The following SLC25A48 variants were observed in gnomAD, a reference collection of about 807,000 sequenced individuals.
The protein encoded by SLC25A48 is solute carrier family 25 member 48, also known as CTC-321K16.1.
A neutral mutation model predicts 32.2 loss-of-function variants in SLC25A48; 29 were observed. That is an observed-to-expected ratio of 0.90 (90% confidence interval 0.67 to 1.23). SLC25A48 has a LOEUF of 1.23. SLC25A48 is among the 50% of genes most tolerant of loss of function. The probability of loss-of-function intolerance (pLI) is 0.00; values close to 1 mark genes in which losing one functional copy is unlikely to be tolerated. For missense variants in SLC25A48, 399 were observed against 422.7 expected (o/e 0.94, Z 0.49); for synonymous variants, 164 against 172.3 (o/e 0.95, Z 0.38).
chr5:135,740,730 T>C (rs1255244949), intron 3 of SLC25A48, among the ~76,000 whole-genome samples: 4 of 152,176 alleles, frequency 2.6e-5, no homozygotes, highest in African/African-American at 9.6e-5. Flanking sequence ...GCTCTTTCAA[T>C]AAATACTTGG....
intron 1 of SLC25A48, among the ~76,000 whole-genome samples, chr5:135,598,508 T>G (rs1053934686): frequency 6.6e-6 from 1 of 152,184 alleles, no homozygotes; most frequent in Non-Finnish European, 1.5e-5. Context: ...AAGCTTCATT[T>G]CTTATAAAGG....
At chr5:135,766,388 G>A (rs1456296496) in intron 3 of SLC25A48, among the ~76,000 whole-genome samples, 5 of 151,018 alleles carry the variant, frequency 3.3e-5, no homozygotes, top group Admixed American at 1.3e-4. Context: ...TCCCCATGTC[G>A]GTGTATTGTA....
rs772016202 is a variant in SLC25A48 at position 135,657,814 on chromosome 5, G to A, written c.-521+22858G>A. On this transcript the variant is annotated intron_variant, in intron 3 of 10. Transcript: ENST00000646290. ...ATTAGCCCGATGAACTGACCTCCAG[G>A]GACTTCCTCTCTTTACTGTAGACCC... Among the ~76,000 whole-genome samples the A allele has an allele frequency of 8.5e-5, 13 of 152,132 alleles. 1 individual carries two copies. Among genetic ancestry groups the A allele is most frequent in the Non-Finnish European group, 1.6e-4 (11 of 68,034 alleles).
chr5:135,741,651 T>C (rs1755503963), intron 3 of SLC25A48, among the ~76,000 whole-genome samples: 1 of 152,088 alleles, frequency 6.6e-6, no homozygotes, highest in Admixed American at 6.5e-5. Context: ...GGTGGGAGGA[T>C]AGATTGATGA....
intron 3 of SLC25A48, among the ~76,000 whole-genome samples, chr5:135,735,916 G>A (rs1755350303): frequency 6.6e-6 from 1 of 152,186 alleles, no homozygotes; most frequent in Non-Finnish European, 1.5e-5. Context: ...CACTCTCTAA[G>A]AGGAAATTGT....
intron 1 of SLC25A48, among the ~76,000 whole-genome samples, chr5:135,621,922 A>G (rs1247943586): frequency 6.6e-6 from 1 of 152,218 alleles, no homozygotes; most frequent in Admixed American, 6.5e-5. Context: ...CCTTAAAGCC[A>G]GAAGACAATA....
In SLC25A48 at chr5:135,589,087, A is replaced by G. The variant is rs570642309; in HGVS notation, c.-849+9490A>G. ...GCCCGTGCACAGAAACTTTCACATA[A>G]TGACAGTCACACTGCATAATCCTGT... On this transcript the variant is annotated intron_variant, in intron 1 of 10. Transcript: ENST00000646290. Among the ~76,000 whole-genome samples the G allele has an allele frequency of 1.1e-4, 16 of 152,276 alleles. No individual in the cohort carries two copies. The South Asian group carries it at 3.3e-3, about 32-fold the overall frequency.
chr5:135,787,608 AC>A (rs1756881829), intron 3 of SLC25A48, among the ~76,000 whole-genome samples: 1 of 151,936 alleles, frequency 6.6e-6, no homozygotes. Flanking sequence ...GGGGGATGTT[AC>A]TTTTAATTTC....
intron 3 of SLC25A48, among the ~76,000 whole-genome samples, chr5:135,775,825 C>A (rs1417577216): frequency 6.6e-6 from 1 of 151,494 alleles, no homozygotes; most frequent in Admixed American, 6.6e-5. Flanking sequence ...CTATTACGCC[C>A]AATATCGTGG....
At chr5:135,674,193 G>A (rs1242928544) in intron 3 of SLC25A48, among the ~76,000 whole-genome samples, 1 of 151,862 alleles carries the variant, frequency 6.6e-6, no homozygotes, top group Non-Finnish European at 1.5e-5. Context: ...GTGATATTGT[G>A]TTACGTGCAC....
At chr5:135,712,754 T>C (rs1754696842) in intron 3 of SLC25A48, among the ~76,000 whole-genome samples, 1 of 152,212 alleles carries the variant, frequency 6.6e-6, no homozygotes, top group African/African-American at 2.4e-5. Context: ...CCCCTTGCAC[T>C]TGGGGCAAAC....
At chr5:135,864,769 A>G (rs928264066) in intron 4 of SLC25A48, among the ~76,000 whole-genome samples, 4 of 152,226 alleles carry the variant, frequency 2.6e-5, no homozygotes, top group Non-Finnish European at 5.9e-5. Context: ...AGTGCATATT[A>G]CACCATTGTA....
intron 3 of SLC25A48, among the ~76,000 whole-genome samples, chr5:135,851,476 G>C (rs73791606): frequency 0.043 from 6,517 of 152,292 alleles, 296 homozygotes; most frequent in African/African-American, 0.11. Context: ...ACTGCGGGCG[G>C]TTTCTCTGAG....
chr5:135,652,112 G>A (rs1173460299), intron 3 of SLC25A48, among the ~76,000 whole-genome samples: 1 of 152,210 alleles, frequency 6.6e-6, no homozygotes, highest in Non-Finnish European at 1.5e-5. Flanking sequence ...TGGCAGGGAT[G>A]GAGGCTATGC....
At chr5:135,723,725 C>A (rs942767790) in intron 3 of SLC25A48, among the ~76,000 whole-genome samples, 3 of 152,128 alleles carry the variant, frequency 2.0e-5, no homozygotes, top group African/African-American at 7.2e-5. Context: ...TCTGTTTCTC[C>A]CTTATATCTT....
chr5:135,832,493 G>A (rs1051740118), upstream of SLC25A48, among the ~76,000 whole-genome samples: 1 of 152,150 alleles, frequency 6.6e-6, no homozygotes, highest in African/African-American at 2.4e-5. Flanking sequence ...GGTTGGGGAG[G>A]TGGGAGCTGT....
At chr5:135,721,520 C>G (rs1754956123) in intron 3 of SLC25A48, among the ~76,000 whole-genome samples, 1 of 152,062 alleles carries the variant, frequency 6.6e-6, no homozygotes, top group South Asian at 2.1e-4. Flanking sequence ...CACATTTTAA[C>G]TGGAGTTGTT....
At chr5:135,764,215 GAGC>G (rs1756142541) in intron 3 of SLC25A48, among the ~76,000 whole-genome samples, 1 of 151,964 alleles carries the variant, frequency 6.6e-6, no homozygotes, top group Non-Finnish European at 1.5e-5. Flanking sequence ...CTAATATCCA[GAGC>G]AGAAGAGGGT....
chr5:135,600,612 T>A (rs554593211), intron 1 of SLC25A48, among the ~76,000 whole-genome samples: 4 of 152,334 alleles, frequency 2.6e-5, no homozygotes, highest in African/African-American at 9.6e-5. Flanking sequence ...TTTTTCACTG[T>A]TGTGTCCTCA....
Sources: gnomAD v4.1 joint callset for allele counts (sites outside exome capture counted in the v4.1 genomes callset) on GRCh38, gnomAD v4.1.1 for gene constraint, MANE v1.5 for transcripts, NCBI Gene and HGNC (gene_info 2026-07-23, HGNC 2026-07-21) for gene names.